Variants in SELENOI observed in about 807,000 individuals in gnomAD.
SELENOI encodes the protein selenoprotein I, also known as ethanolaminephosphotransferase 1.
SELENOI carries 24 observed loss-of-function variants against 50.7 expected under a neutral mutation model. The observed-to-expected ratio is 0.47, with a 90% CI of 0.34 to 0.67. The LOEUF is 0.67. SELENOI is among the 30% of genes least tolerant of loss of function. The pLI, the probability that SELENOI is intolerant of heterozygous loss-of-function variation, is 0.01. For missense variants in SELENOI, 352 were observed against 461.4 expected, an observed-to-expected ratio of 0.76 and a Z score of 2.17; for synonymous variants, 155 against 170.2, an observed-to-expected ratio of 0.91 and a Z score of 0.70.
At chr2:26,370,932 A>AC (rs1360088420) in intron 4 of SELENOI, among the ~76,000 whole-genome samples, 1,191 of 63,138 alleles carry the variant, frequency 0.019, 42 homozygotes, top group African/African-American at 0.062. Context: ...CGGGGGGCTG[A>AC]CCCCCCCACC....
chr2:26,360,229 A>G (rs1677146750), intron 1 of SELENOI, among the ~76,000 whole-genome samples: 1 of 152,146 alleles, frequency 6.6e-6, no homozygotes, highest in African/African-American at 2.4e-5. Context: ...GACAGTTTAG[A>G]GTTTGTTTAT....
At chr2:26,364,800 TTAATTATTTTA>T (rs767379283) in intron 2 of SELENOI, 21 bp from the exon 3 acceptor site, 187 of 1,470,734 alleles carry the variant, frequency 1.3e-4, no homozygotes, top group Non-Finnish European at 1.3e-4. Context: ...TTCCTCTACT[TTAATTATTTTA>T]TAATTATTTT....
At chr2:26,369,070 T>C (rs940847372) in intron 4 of SELENOI, among the ~76,000 whole-genome samples, 3 of 152,260 alleles carry the variant, frequency 2.0e-5, no homozygotes, top group South Asian at 2.1e-4. Context: ...CTAATTCTAA[T>C]GCACTAGTTA....
intron 9 of SELENOI, 123 bp downstream of exon 9, chr2:26,386,659 A>G (rs1677850739): frequency 1.3e-6 from 1 of 789,964 alleles, no homozygotes; most frequent in Non-Finnish European, 1.8e-6. Flanking sequence ...TAGTAGCTGT[A>G]AGGGTTTTGG....
At chr2:26,362,113 T>A (rs369783653) in intron 1 of SELENOI, among the ~76,000 whole-genome samples, 63 of 152,122 alleles carry the variant, frequency 4.1e-4, no homozygotes, top group African/African-American at 1.4e-3. Flanking sequence ...AGTTGACTCT[T>A]TTAGCAGAGT....
chr2:26,385,366 G>C (rs897189451), intron 8 of SELENOI, among the ~76,000 whole-genome samples: 3 of 152,082 alleles, frequency 2.0e-5, no homozygotes, highest in African/African-American at 7.2e-5. Flanking sequence ...TGGAACTATG[G>C]CACACTTAAA....
At chr2:26,346,421 G>C in intron 1 of SELENOI, 132 bp downstream of exon 1, 1 of 1,115,590 alleles carries the variant, frequency 9.0e-7, no homozygotes, top group Non-Finnish European at 1.2e-6. Flanking sequence ...TCCTCCGGAG[G>C]TCCTGCGGGT....
chr2:26,357,259 C>T (rs1677083558), intron 1 of SELENOI, among the ~76,000 whole-genome samples: 1 of 152,154 alleles, frequency 6.6e-6, no homozygotes, highest in African/African-American at 2.4e-5. Context: ...TGTCTTTAGC[C>T]TTCCACTCAC....
chr2:26,353,457 C>T (rs540067681), intron 1 of SELENOI, among the ~76,000 whole-genome samples: 1 of 152,282 alleles, frequency 6.6e-6, no homozygotes, highest in South Asian at 2.1e-4. Flanking sequence ...TTTATTATGA[C>T]TACAAGCTGA....
intron 4 of SELENOI, among the ~76,000 whole-genome samples, chr2:26,370,930 T>C (rs1288798640): frequency 1.2e-5 from 1 of 82,520 alleles, no homozygotes; most frequent in African/African-American, 4.3e-5. Context: ...GGCGGGGGGC[T>C]GACCCCCCCA....
At position 26,364,783 on chromosome 2, in the gene SELENOI, A is replaced by G. The variant is rs745928479; in HGVS notation, c.127-49A>G. ...GTTTGCATGTTGTAGTATACATTGGACAGAGATTCCTCTACTTTAATTATT... is the reference window on the plus strand; with the variant it reads ...GTTTGCATGTTGTAGTATACATTGGGCAGAGATTCCTCTACTTTAATTATT... On this transcript the variant is annotated intron_variant, in intron 2 of 9. Transcript: ENST00000260585. The G allele has an allele frequency of 8.9e-6, 12 of 1,347,954 alleles. No individual in the cohort carries two copies. The African/African-American group carries it at 1.0e-4, about 12-fold the overall frequency. The allele number at this position is 1,347,954 out of a possible 1,614,324, so 83.5% of individuals were successfully genotyped here. A position where few individuals can be genotyped will look rare whatever the true frequency, so the allele number is the denominator to read the frequency against.
In SELENOI at chr2:26,354,668, GAT is replaced by G. The variant is rs1320209920; in HGVS notation, c.57+8380_57+8381del. On this transcript the variant is annotated intron_variant, in intron 1 of 9. Coordinates refer to ENST00000260585, the MANE Select transcript of SELENOI (RefSeq NM_033505.4). ...GGCCTTCCAAAGTGCTGGGATTACAGATGTGAGCCACCGCGCCTGGCGGTACT... is the reference window on the plus strand; with the variant it reads ...GGCCTTCCAAAGTGCTGGGATTACAGGTGAGCCACCGCGCCTGGCGGTACT... Among the ~76,000 whole-genome samples, 247 of 152,238 alleles carry G rather than the reference GAT, an allele frequency of 1.6e-3. 2 individuals carry two copies. The highest frequency in any genetic ancestry group is 2.5e-3 in the Admixed American group (38 of 15,290).
At position 26,389,224 on chromosome 2, in the gene SELENOI, G is replaced by T; in HGVS notation, c.*121G>T. On this transcript the variant is annotated 3_prime_UTR_variant, in exon 10 of 10. Transcript: ENST00000260585. ...GGGATCTCAGTATGGTACTTGGACA[G>T]CAGGAATGATACATATAATCTGAAC... is the stretch of plus-strand genomic sequence containing the variant. 1.4e-6 allele frequency: 1 copy of T among 739,352 alleles called. No homozygotes were observed. The highest frequency in any genetic ancestry group is 1.8e-5 in the South Asian group (1 of 54,578). The allele number at this position is 739,352 out of a possible 1,614,324, so 45.8% of individuals were successfully genotyped here.
intron 6 of SELENOI, among the ~76,000 whole-genome samples, chr2:26,382,389 A>G (rs1267188490): frequency 6.6e-6 from 1 of 152,262 alleles, no homozygotes; most frequent in African/African-American, 2.4e-5. Context: ...ATTTCAGTTT[A>G]GTGGATAGTC....
chr2:26,378,105 G>T (rs796188030), intron 6 of SELENOI, among the ~76,000 whole-genome samples: 11 of 152,230 alleles, frequency 7.2e-5, no homozygotes, highest in African/African-American at 2.6e-4. Flanking sequence ...CTTTGTGTCT[G>T]TGTAGTTTAG....
chr2:26,370,482 G>C (rs1340299251), intron 4 of SELENOI, among the ~76,000 whole-genome samples: 10 of 149,820 alleles, frequency 6.7e-5, no homozygotes, highest in African/African-American at 2.5e-4. Context: ...CTGGCTGGGC[G>C]GGGGGCTGAC....
chr2:26,395,290 GAAGCCTC>G lies in SELENOI; in HGVS notation c.*6188_*6194del, dbSNP rs1410389861. The stretch of plus-strand genomic sequence containing the variant: ...TTCATCTGCATGTGGCCCTTACTCT[GAAGCCTC>G]TTCCTGATCTGGAGCCACAGTCTGT... On this transcript the variant is annotated 3_prime_UTR_variant, in exon 10 of 10. Coordinates refer to ENST00000260585, the MANE Select transcript of SELENOI (RefSeq NM_033505.4). 2 of 152,176 alleles carry G rather than the reference GAAGCCTC, an allele frequency of 1.3e-5. No individual in the cohort carries two copies. The highest frequency in any genetic ancestry group is 2.9e-5 in the Non-Finnish European group (2 of 68,036). 9.4% of individuals were successfully genotyped at this position (152,176 alleles called of 1,614,324 possible).
chr2:26,361,763 C>A (rs1026259627), intron 1 of SELENOI, among the ~76,000 whole-genome samples: 1 of 152,064 alleles, frequency 6.6e-6, no homozygotes, highest in Non-Finnish European at 1.5e-5. Context: ...AAACGATTCT[C>A]CTGCCTCAGC....
intron 1 of SELENOI, among the ~76,000 whole-genome samples, chr2:26,355,679 G>T (rs1465061508): frequency 6.7e-6 from 1 of 149,606 alleles, no homozygotes; most frequent in Admixed American, 6.7e-5. Flanking sequence ...ACTGAAATTA[G>T]ATCTCCTTGC....
Sources: gnomAD v4.1 joint callset for allele counts (sites outside exome capture counted in the v4.1 genomes callset) on GRCh38, gnomAD v4.1.1 for gene constraint, MANE v1.5 for transcripts, NCBI Gene and HGNC (gene_info 2026-07-23, HGNC 2026-07-21) for gene names.